Variants in SLC30A6 observed in about 807,000 individuals in gnomAD.
The protein encoded by SLC30A6 is solute carrier family 30 member 6, also known as zinc transporter 6.
A neutral mutation model predicts 63.0 loss-of-function variants in SLC30A6; 55 were observed. The observed-to-expected ratio is 0.87, with a 90% CI of 0.70 to 1.09. The LOEUF is 1.09. Ranked by LOEUF, SLC30A6 falls within the 50% of genes least tolerant of loss-of-function variation. The pLI is 0.00. For synonymous variants in SLC30A6, 224 were observed against 186.1 expected, an observed-to-expected ratio of 1.20 and a Z score of -1.66; for missense variants, 587 against 549.2, an observed-to-expected ratio of 1.07 and a Z score of -0.69.
chr2:32,213,970 T>A (rs574884559), intron 13 of SLC30A6, among the ~76,000 whole-genome samples: 1 of 152,108 alleles, frequency 6.6e-6, no homozygotes, highest in Non-Finnish European at 1.5e-5. Flanking sequence ...TGAAACTGCT[T>A]TGTGATGTGT....
chr2:32,203,844 G>A, intron 10 of SLC30A6: 1 of 1,352,178 alleles, frequency 7.4e-7, no homozygotes. Context: ...GGAGTGGTTG[G>A]TCAAGTGGCC....
chr2:32,190,668 TA>T (rs1327422429), intron 5 of SLC30A6, among the ~76,000 whole-genome samples: 2 of 151,984 alleles, frequency 1.3e-5, no homozygotes, highest in Non-Finnish European at 2.9e-5. Context: ...AGTAAAGGCA[TA>T]TTCTGGACTG....
At chr2:32,186,242 T>C (rs1046844130) in intron 5 of SLC30A6, among the ~76,000 whole-genome samples, 3 of 152,188 alleles carry the variant, frequency 2.0e-5, no homozygotes, top group Non-Finnish European at 4.4e-5. Context: ...GCCATGTTGG[T>C]CAACCTGGTG....
intron 4 of SLC30A6, among the ~76,000 whole-genome samples, chr2:32,183,679 C>G (rs890028370): frequency 1.6e-5 from 2 of 125,698 alleles, no homozygotes; most frequent in African/African-American, 6.3e-5. Context: ...CAGAGCGAGA[C>G]TCTGTCTCAA....
chr2:32,170,067 G>A (rs768736927), intron 1 of SLC30A6, among the ~76,000 whole-genome samples: 22 of 151,838 alleles, frequency 1.4e-4, no homozygotes, highest in Non-Finnish European at 3.1e-4. Flanking sequence ...TCCCCCTTAA[G>A]GGTATTACAT....
In SLC30A6 at chr2:32,204,712, G is replaced by T; in HGVS notation, c.768+20G>T. Reference sequence around the variant, plus strand: ...CTCCAGGTAAGGTGCTTCTTCCAATGCACGTGCTTAATATTAGCCATGTTC... The same window carrying T: ...CTCCAGGTAAGGTGCTTCTTCCAATTCACGTGCTTAATATTAGCCATGTTC... On this transcript the variant is annotated intron_variant, in intron 11 of 13. Transcript: ENST00000282587. The T allele has an allele frequency of 3.4e-6, 5 of 1,490,986 alleles. No homozygotes were observed. Among genetic ancestry groups the T allele is most frequent in the Non-Finnish European group, 4.6e-6 (5 of 1,076,810 alleles). 92.4% of individuals were successfully genotyped at this position (1,490,986 alleles called of 1,614,324 possible). A position where few individuals can be genotyped will look rare whatever the true frequency, so the allele number is the denominator to read the frequency against.
At chr2:32,217,921 G>T (rs997624767) in intron 13 of SLC30A6, among the ~76,000 whole-genome samples, 3 of 150,718 alleles carry the variant, frequency 2.0e-5, no homozygotes, top group Admixed American at 6.6e-5. Flanking sequence ...CTGCAGCCTC[G>T]ACCTCTAAGG....
chr2:32,192,307 T>A (rs1402061382), intron 5 of SLC30A6, 29 bp from the exon 6 acceptor site: 1 of 1,599,576 alleles, frequency 6.3e-7, no homozygotes, highest in South Asian at 1.1e-5. Flanking sequence ...GAAAGAATTG[T>A]GATGATCTAA....
chr2:32,169,206 C>T (rs1238748249), intron 1 of SLC30A6, among the ~76,000 whole-genome samples: 6 of 152,062 alleles, frequency 3.9e-5, no homozygotes, highest in South Asian at 2.1e-4. Context: ...GATGGGGTCT[C>T]GCTCTGTTGC....
chr2:32,175,806 T>G (rs1435435763), intron 4 of SLC30A6, among the ~76,000 whole-genome samples: 2 of 151,972 alleles, frequency 1.3e-5, no homozygotes, highest in Non-Finnish European at 2.9e-5. Flanking sequence ...TGAAACCCCG[T>G]CTCTACTAAA....
At chr2:32,215,518 T>A (rs508899) in intron 13 of SLC30A6, among the ~76,000 whole-genome samples, 26,939 of 92,386 alleles carry the variant, frequency 0.29, 2,712 homozygotes, top group East Asian at 0.4. Flanking sequence ...ATATATATAT[T>A]TTTTTTTTTT....
intron 4 of SLC30A6, among the ~76,000 whole-genome samples, chr2:32,183,197 A>G (rs1310450076): frequency 2.6e-5 from 4 of 152,008 alleles, no homozygotes; most frequent in Non-Finnish European, 5.9e-5. Flanking sequence ...AAAAAAGAAC[A>G]TATATCAGTT....
At chr2:32,189,581 G>A (rs1683141457) in intron 5 of SLC30A6, among the ~76,000 whole-genome samples, 2 of 139,078 alleles carry the variant, frequency 1.4e-5, no homozygotes, top group African/African-American at 2.7e-5. Flanking sequence ...ATAAGCATGA[G>A]CCACCGCACC....
chr2:32,215,500 T>TTTTATA (rs368488252), intron 13 of SLC30A6, among the ~76,000 whole-genome samples: 2 of 134,364 alleles, frequency 1.5e-5, no homozygotes, highest in Non-Finnish European at 3.1e-5. Context: ...TGGCCATCTA[T>TTTTATA]TATATATATA....
intron 8 of SLC30A6, among the ~76,000 whole-genome samples, chr2:32,196,697 T>C (rs1481488051): frequency 6.6e-6 from 1 of 152,186 alleles, no homozygotes; most frequent in Non-Finnish European, 1.5e-5. Flanking sequence ...TTTTTGGTTT[T>C]CAGATTTGGG....
intron 8 of SLC30A6, among the ~76,000 whole-genome samples, chr2:32,196,620 A>G (rs1683814219): frequency 6.6e-6 from 1 of 152,138 alleles, no homozygotes; most frequent in Non-Finnish European, 1.5e-5. Flanking sequence ...AAACCTGAAA[A>G]TTTAAAATTC....
chr2:32,172,872 C>T (rs983354475), intron 2 of SLC30A6, among the ~76,000 whole-genome samples: 1 of 152,166 alleles, frequency 6.6e-6, no homozygotes, highest in Admixed American at 6.5e-5. Flanking sequence ...GATGATCTTG[C>T]TTCCTGTTTC....
chr2:32,171,322 C>T lies in SLC30A6; in HGVS notation c.39C>T (p.Ser13=). The change falls in exon 2 of 14, where the codon TCC becomes TCT. Residue 13 remains serine, a synonymous_variant. Transcript: ENST00000282587. ...TIHLFRKPQR[S]FFGKLLREFR... The stretch of plus-strand genomic sequence containing the variant: ...ATCTCTTTCGAAAACCACAAAGATC[C>T]TTTTTTGGCAAGTTGTTACGGGAAT... 1 of 1,613,682 alleles carries T rather than the reference C, an allele frequency of 6.2e-7. No individual in the cohort carries two copies. Among genetic ancestry groups the T allele is most frequent in the Non-Finnish European group, 8.5e-7 (1 of 1,179,800 alleles).
chr2:32,218,789 T>C (rs1167135386), intron 13 of SLC30A6, among the ~76,000 whole-genome samples: 1 of 152,154 alleles, frequency 6.6e-6, no homozygotes, highest in Non-Finnish European at 1.5e-5. Context: ...ACTCCTGACC[T>C]CAGGTGATCC....
Sources: allele counts gnomAD v4.1 joint callset (sites outside exome capture counted in the v4.1 genomes callset), GRCh38; gene constraint gnomAD v4.1.1; transcripts MANE v1.5; gene names NCBI Gene and HGNC (gene_info 2026-07-23, HGNC 2026-07-21).